The following TACC2 variants were observed in gnomAD, a reference collection of about 807,000 sequenced individuals.
TACC2 encodes the protein transforming acidic coiled-coil-containing protein 2.
A neutral mutation model predicts 227.3 loss-of-function variants in TACC2; 137 were observed. That is an observed-to-expected ratio of 0.60 (90% confidence interval 0.52 to 0.69). The LOEUF (loss-of-function observed/expected upper bound fraction) is 0.69. TACC2 is among the 30% of genes least tolerant of loss of function. The probability of loss-of-function intolerance (pLI) is 0.00; values close to 1 mark genes in which losing one functional copy is unlikely to be tolerated. For synonymous variants in TACC2, 1,523 were observed against 1,487.5 expected (o/e 1.02, Z -0.55); for missense variants, 3,470 against 3,694.4 (o/e 0.94, Z 1.57).
At chr10:122,163,833 G>A (rs1276294969) in intron 7 of TACC2, 55 of 1,471,488 alleles carry the variant, frequency 3.7e-5, no homozygotes, top group Non-Finnish European at 4.7e-5. Context: ...AACCCCGGCC[G>A]CCGGCCGGCT....
In TACC2 at chr10:122,021,928, T is replaced by G; in HGVS notation, c.-45-9T>G. On this transcript the variant is annotated splice_polypyrimidine_tract_variant and intron_variant, in intron 1 of 22. Transcript: ENST00000369005. ...TTCACAGACGTTTATACCCTTTTGT[T>G]TCTTCCAGTCACCTCTGACAAAATT... The G allele has an allele frequency of 1.9e-6, 3 of 1,579,498 alleles. No individual in the cohort carries two copies. The highest frequency in any genetic ancestry group is 2.2e-5 in the South Asian group (2 of 90,308).
chr10:122,196,657 G>T (rs756900318), intron 8 of TACC2, among the ~76,000 whole-genome samples: 1 of 152,158 alleles, frequency 6.6e-6, no homozygotes, highest in East Asian at 1.9e-4. Flanking sequence ...CAAACACATT[G>T]TAATCTCTAG....
chr10:122,193,784 G>C (rs564528517), intron 7 of TACC2, among the ~76,000 whole-genome samples: 13 of 152,208 alleles, frequency 8.5e-5, no homozygotes, highest in Non-Finnish European at 1.6e-4. Context: ...GCTCAGGACC[G>C]TGGGCCCTTG....
intron 22 of TACC2, among the ~76,000 whole-genome samples, chr10:122,249,907 CTTTTCAACATTCG>C (rs2096218206): frequency 6.6e-6 from 1 of 152,236 alleles, no homozygotes; most frequent in Non-Finnish European, 1.5e-5. Flanking sequence ...ATTTTCATTC[CTTTTCAACATTCG>C]TTTATTTGTT....
At chr10:122,191,290 G>A (rs548836299) in intron 7 of TACC2, among the ~76,000 whole-genome samples, 2 of 152,282 alleles carry the variant, frequency 1.3e-5, no homozygotes, top group African/African-American at 2.4e-5. Flanking sequence ...TAGGCAGGAC[G>A]TTTCTGAAGA....
intron 2 of TACC2, among the ~76,000 whole-genome samples, chr10:122,024,095 C>T (rs533263126): frequency 1.2e-4 from 18 of 152,260 alleles, no homozygotes; most frequent in Non-Finnish European, 2.1e-4. Context: ...AGCCCAAGTA[C>T]GGCGGCTCAT....
In TACC2 at chr10:122,085,600, G is replaced by A. The variant is rs61753073; in HGVS notation, c.3100G>A (p.Glu1034Lys). ...CCCACTCTGGGGCTTGAGTAAGAGG[G>A]AGATGGCAAGTGGAAACACAGGGGA... ...CSPLWGLSKR[E>K]MASGNTGEAP... Residue 1034 changes from glutamate to lysine, a missense_variant, in exon 4 of 23, where the codon GAG becomes AAG. Transcript: ENST00000369005. 3.6e-3 allele frequency: 5,775 copies of A among 1,613,330 alleles called. 23 individuals are homozygous for A. The highest frequency in any genetic ancestry group is 0.01 in the Middle Eastern group (62 of 6,062).
At chr10:122,043,477 T>C (rs1241299056) in intron 2 of TACC2, among the ~76,000 whole-genome samples, 1 of 124,054 alleles carries the variant, frequency 8.1e-6, no homozygotes, top group Admixed American at 8.4e-5. Context: ...TTCTTTCTTT[T>C]TCTCTTTCTT....
chr10:121,992,114 T>A (rs185974837), intron 1 of TACC2, among the ~76,000 whole-genome samples: 6 of 152,298 alleles, frequency 3.9e-5, no homozygotes, highest in African/African-American at 9.6e-5. Flanking sequence ...CCAAACTGCA[T>A]CACCATTTCA....
At chr10:122,038,297 C>CA (rs752596121) in intron 2 of TACC2, among the ~76,000 whole-genome samples, 20 of 152,032 alleles carry the variant, frequency 1.3e-4, no homozygotes, top group Non-Finnish European at 1.5e-4. Flanking sequence ...ACACACAAAC[C>CA]AAAAAACGAG....
At chr10:122,016,956 G>T (rs1053153675) in intron 1 of TACC2, among the ~76,000 whole-genome samples, 16 of 152,140 alleles carry the variant, frequency 1.1e-4, no homozygotes, top group Non-Finnish European at 1.9e-4. Context: ...GGGCAAAGAG[G>T]GAAGACCATG....
chr10:122,147,456 T>C (rs1592602367), intron 7 of TACC2, among the ~76,000 whole-genome samples: 1 of 152,202 alleles, frequency 6.6e-6, no homozygotes, highest in African/African-American at 2.4e-5. Flanking sequence ...AGTTCCTTTT[T>C]TTCCCCCATT....
intron 14 of TACC2, among the ~76,000 whole-genome samples, chr10:122,228,267 T>G (rs1282989640): frequency 6.6e-6 from 1 of 152,232 alleles, no homozygotes; most frequent in Non-Finnish European, 1.5e-5. Flanking sequence ...TAGTTTCCAT[T>G]TTTTGCCACT....
intron 7 of TACC2, among the ~76,000 whole-genome samples, chr10:122,177,976 A>G (rs1358273127): frequency 6.6e-6 from 1 of 152,214 alleles, no homozygotes; most frequent in Non-Finnish European, 1.5e-5. Flanking sequence ...TTAATATACA[A>G]TGATAGGATA....
chr10:122,143,134 G>A (rs1258709045), intron 6 of TACC2, among the ~76,000 whole-genome samples: 1 of 152,216 alleles, frequency 6.6e-6, no homozygotes, highest in Admixed American at 6.5e-5. Flanking sequence ...ATTTTTCTCA[G>A]CCTTGGGATT....
chr10:122,073,390 C>A (rs568673166), intron 3 of TACC2, among the ~76,000 whole-genome samples: 2 of 152,090 alleles, frequency 1.3e-5, no homozygotes, highest in South Asian at 2.1e-4. Context: ...CTCTGAGACA[C>A]AAAAGAGCAG....
chr10:122,254,349 C>G lies in TACC2; in HGVS notation c.*293C>G. 1 of 430,802 alleles carries G rather than the reference C, an allele frequency of 2.3e-6. No individual in the cohort carries two copies. The highest frequency in any genetic ancestry group is 4.3e-6 in the Non-Finnish European group (1 of 233,352). 26.7% of individuals were successfully genotyped at this position (430,802 alleles called of 1,614,324 possible). On this transcript the variant is annotated 3_prime_UTR_variant, in exon 23 of 23. Coordinates refer to ENST00000369005, the MANE Select transcript of TACC2 (RefSeq NM_206862.4). Reference sequence around the variant, plus strand: ...AGACACATTGCTGACCTTGGCCTTGCCCTTTGTACACAAGTTCCCAGGGTG... The same window carrying G: ...AGACACATTGCTGACCTTGGCCTTGGCCTTTGTACACAAGTTCCCAGGGTG...
rs114984954 is a variant in TACC2, at chr10:122,014,173, C to A, written c.-45-7764C>A. On this transcript the variant is annotated intron_variant, in intron 1 of 22. Transcript: ENST00000369005. Reference sequence around the variant, plus strand: ...GTATAGGGTAAAGACTTTGGGCAAGCTGCAAAACCTCTCTAAGCCTTCATC... The same window carrying A: ...GTATAGGGTAAAGACTTTGGGCAAGATGCAAAACCTCTCTAAGCCTTCATC... Among the ~76,000 whole-genome samples, 1,141 of 152,020 alleles carry A rather than the reference C, an allele frequency of 7.5e-3. 13 individuals are homozygous for A. Among genetic ancestry groups the A allele is most frequent in the African/African-American group, 0.026 (1,093 of 41,472 alleles).
intron 7 of TACC2, among the ~76,000 whole-genome samples, chr10:122,177,604 G>T (rs777570559): frequency 6.6e-6 from 1 of 152,140 alleles, no homozygotes; most frequent in Non-Finnish European, 1.5e-5. Flanking sequence ...ATGGCCCAGG[G>T]AGTGGATGGC....
Sources: allele counts gnomAD v4.1 joint callset (sites outside exome capture counted in the v4.1 genomes callset), GRCh38; gene constraint gnomAD v4.1.1; transcripts MANE v1.5; gene names NCBI Gene and HGNC (gene_info 2026-07-23, HGNC 2026-07-21).